The following SPINK5 variants were observed in gnomAD, a reference collection of about 807,000 sequenced individuals.
SPINK5 encodes serine protease inhibitor Kazal-type 5.
SPINK5 carries 125 observed loss-of-function variants against 151.8 expected under a neutral mutation model. That is an observed-to-expected ratio of 0.82 (90% CI 0.71 to 0.96). The LOEUF (loss-of-function observed/expected upper bound fraction) is 0.96, where lower values mean the gene tolerates loss of function less well. SPINK5 is among the 40% of genes least tolerant of loss of function. SPINK5 has a pLI of 0.00. For synonymous variants in SPINK5, 374 were observed against 395.3 expected (o/e 0.95, Z 0.64); for missense variants, 1,194 against 1,291.9 (o/e 0.92, Z 1.16).
In SPINK5 at chr5:148,072,056, G is replaced by A. The variant is rs1027553638; in HGVS notation, c.210-92G>A. 8 of 1,199,914 alleles carry A rather than the reference G, an allele frequency of 6.7e-6. No homozygotes were observed. In the Admixed American group the frequency reaches 9.1e-5, roughly 14 times the overall value. The allele number at this position is 1,199,914 out of a possible 1,614,324, so 74.3% of individuals were successfully genotyped here. A position where few individuals can be genotyped will look rare whatever the true frequency, so the allele number is the denominator to read the frequency against. On this transcript the variant is annotated intron_variant, in intron 3 of 32. Coordinates refer to ENST00000256084, the MANE Select transcript of SPINK5 (RefSeq NM_006846.4). ...TTGACATGCCAGGCTAGGCTGAGGA[G>A]AGCAGTTAAAATTAAGTTTACCATG...
At chr5:148,133,413 T>C (rs764499464) in intron 31 of SPINK5, among the ~76,000 whole-genome samples, 22 of 152,208 alleles carry the variant, frequency 1.4e-4, no homozygotes, top group Non-Finnish European at 2.5e-4. Flanking sequence ...GTATCATTTG[T>C]GTCTTGTTAT....
chr5:148,133,767 G>A (rs376207194), intron 31 of SPINK5, 30 bp from the exon 32 acceptor site: 79 of 1,609,410 alleles, frequency 4.9e-5, no homozygotes, highest in Middle Eastern at 3.6e-4. Context: ...GAACTTCCTC[G>A]TTGTTGAAGC....
intron 26 of SPINK5, 103 bp from the exon 27 acceptor site, chr5:148,123,730 T>C: frequency 3.9e-6 from 6 of 1,520,796 alleles, no homozygotes; most frequent in Non-Finnish European, 4.5e-6. Context: ...CACTTCTCTG[T>C]TTTTTTCCTG....
chr5:148,136,585 A>G (rs543695058), intron 32 of SPINK5, among the ~76,000 whole-genome samples: 43 of 152,320 alleles, frequency 2.8e-4, no homozygotes, highest in African/African-American at 9.9e-4. Context: ...ACAACAAACT[A>G]TAGTAGAAAA....
intron 19 of SPINK5, 123 bp from the exon 20 acceptor site, chr5:148,112,745 C>A: frequency 1.3e-6 from 2 of 1,496,010 alleles, no homozygotes; most frequent in Non-Finnish European, 1.8e-6. Flanking sequence ...TACCTTTCCA[C>A]TCCAAAGCTA....
intron 18 of SPINK5, 146 bp downstream of exon 18, chr5:148,108,983 C>A: frequency 7.3e-7 from 1 of 1,360,590 alleles, no homozygotes; most frequent in African/African-American, 1.5e-5. Context: ...TACAAGAGTA[C>A]TCCCCTTTCC....
At chr5:148,125,037 TTC>T in intron 28 of SPINK5, 200 bp downstream of exon 28, 1 of 733,412 alleles carries the variant, frequency 1.4e-6, no homozygotes, top group Non-Finnish European at 2.0e-6. Flanking sequence ...TTGTAGAAAA[TTC>T]TCTGAGAGTG....
At position 148,094,463 on chromosome 5, in the gene SPINK5, C is replaced by A. The variant is rs373819431; in HGVS notation, c.776C>A (p.Ala259Asp). The A allele has an allele frequency of 1.1e-5, 18 of 1,612,516 alleles. No individual in the cohort carries two copies. Among genetic ancestry groups the A allele is most frequent in the African/African-American group, 2.7e-5 (2 of 74,880 alleles). ...PDGRMHGNKC[A>D]LCAEIFKQRF... ...GGCAGGATGCATGGCAACAAATGTG[C>A]CCTGTGTGCTGAAATTTTGTGAGTA... Residue 259 changes from alanine (A) to aspartate (D), a missense_variant, in exon 9 of 33, where the codon GCC (alanine) becomes GAC (aspartate). Transcript: ENST00000256084.
chr5:148,134,048 A>G (rs766886725), intron 32 of SPINK5, 161 bp downstream of exon 32: 1 of 717,504 alleles, frequency 1.4e-6, no homozygotes, highest in Non-Finnish European at 2.5e-6. Context: ...AGGATAATTA[A>G]GTAATTACTG....
At chr5:148,115,861 G>A (rs112866710) in intron 21 of SPINK5, among the ~76,000 whole-genome samples, 2,182 of 142,092 alleles carry the variant, frequency 0.015, 62 homozygotes, top group African/African-American at 0.053. Context: ...CCACTCTGTC[G>A]TCCACACTGA....
At chr5:148,128,980 T>C (rs769346046) in intron 30 of SPINK5, among the ~76,000 whole-genome samples, 1 of 151,972 alleles carries the variant, frequency 6.6e-6, no homozygotes, top group Non-Finnish European at 1.5e-5. Flanking sequence ...AAAAAAATGG[T>C]ACAGTAAATT....
At chr5:148,122,750 T>G (rs10069697) in intron 26 of SPINK5, among the ~76,000 whole-genome samples, 118,213 of 151,780 alleles carry the variant, frequency 0.78, 46,050 homozygotes, top group East Asian at 0.91. Context: ...ATTTAATAGC[T>G]CTGAGATTTA....
rs767048049 is a variant in SPINK5, at chr5:148,097,880, A to G, written c.896A>G (p.Gln299Arg). 6.2e-7 allele frequency: 1 copy of G among 1,610,048 alleles called. No individual in the cohort carries two copies. Among genetic ancestry groups the G allele is most frequent in the South Asian group, 1.1e-5 (1 of 91,032 alleles). ...TTCATTATTCAGAAACTCTGCAGTC[A>G]ATATCAAAATCAGGCAAAGAATGGA... ...VKREIVKLCS[Q>R]YQNQAKNGIL... Residue 299 changes from glutamine (Q) to arginine (R), a missense_variant, in exon 11 of 33, where the codon CAA becomes CGA. Coordinates refer to ENST00000256084, the MANE Select transcript of SPINK5 (RefSeq NM_006846.4).
intron 4 of SPINK5, among the ~76,000 whole-genome samples, chr5:148,079,119 A>T (rs1233396076): frequency 2.0e-5 from 3 of 151,082 alleles, no homozygotes; most frequent in African/African-American, 7.3e-5. Context: ...AGAAACTACA[A>T]GGCTTATGAT....
chr5:148,127,548 C>T (rs3777129), intron 30 of SPINK5, among the ~76,000 whole-genome samples: 84,975 of 151,524 alleles, frequency 0.56, 24,506 homozygotes, highest in Admixed American at 0.65. Context: ...GTAGCTAAAG[C>T]TTCTTGTTTA....
intron 15 of SPINK5, among the ~76,000 whole-genome samples, chr5:148,103,782 G>A (rs1398089126): frequency 1.3e-5 from 2 of 152,064 alleles, no homozygotes; most frequent in Admixed American, 6.6e-5. Context: ...TTCATACCAT[G>A]TGAAAACAGT....
rs773035431 is a variant in SPINK5, at chr5:148,118,458, G to A, written c.2134G>A (p.Glu712Lys). ...TCAGGACGAATGTGCTGAGTATCGGGAACAAATGAAAAATGGAAGACTCAG... is the reference window on the plus strand; with the variant it reads ...TCAGGACGAATGTGCTGAGTATCGGAAACAAATGAAAAATGGAAGACTCAG... ...NTQDECAEYREQMKNGRLSCT... is the reference protein window; with the variant it reads ...NTQDECAEYRKQMKNGRLSCT... The change falls in exon 23 of 33, where the codon GAA becomes AAA. Residue 712 changes from glutamate (E) to lysine (K), a missense_variant. Glu to Lys is a moderately conservative substitution (Grantham distance 56, BLOSUM62 1). Coordinates refer to ENST00000256084, the MANE Select transcript of SPINK5 (RefSeq NM_006846.4). The A allele has an allele frequency of 2.9e-5, 46 of 1,613,988 alleles. No homozygotes were observed. Among genetic ancestry groups the A allele is most frequent in the Non-Finnish European group, 3.8e-5 (45 of 1,179,998 alleles).
intron 25 of SPINK5, 75 bp from the exon 26 acceptor site, chr5:148,120,220 G>T: frequency 1.2e-6 from 2 of 1,610,792 alleles, no homozygotes; most frequent in Non-Finnish European, 1.7e-6. Context: ...AATGACAATT[G>T]TTTTAGAAGC....
intron 4 of SPINK5, among the ~76,000 whole-genome samples, chr5:148,078,286 T>C (rs1009041714): frequency 2.0e-5 from 3 of 150,808 alleles, no homozygotes; most frequent in Non-Finnish European, 3.0e-5. Flanking sequence ...CAAATTTATA[T>C]AACAAAAAAT....
Sources: gnomAD v4.1 joint callset for allele counts (sites outside exome capture counted in the v4.1 genomes callset) on GRCh38, gnomAD v4.1.1 for gene constraint, MANE v1.5 for transcripts, NCBI Gene and HGNC (gene_info 2026-07-23, HGNC 2026-07-21) for gene names.